ATF7IP: variants seen among roughly 807,000 people sequenced by gnomAD.
The protein encoded by ATF7IP is activating transcription factor 7-interacting protein 1.
In ATF7IP, 23 loss-of-function variants were observed where a neutral mutation model predicts 106.4. The observed-to-expected ratio is 0.22, with a 90% CI of 0.16 to 0.31. ATF7IP has a LOEUF of 0.31. ATF7IP is among the 10% of genes least tolerant of loss of function. The pLI is 1.00. For missense variants in ATF7IP, 1,334 were observed against 1,524.3 expected (o/e 0.88, Z 2.08); for synonymous variants, 542 against 539.0 (o/e 1.01, Z -0.08).
rs1565563306 is a variant in ATF7IP, at chr12:14,498,279, G to T, written c.*206G>T. On this transcript the variant is annotated 3_prime_UTR_variant, in exon 15 of 15. Transcript: ENST00000261168. ...TTTTCCTGGACAGTTTAGGCTTTGG[G>T]GTTTGGAAATGTAAATGTGTACCTT... 2.0e-6 allele frequency: 1 copy of T among 502,412 alleles called. No homozygotes were observed. The highest frequency in any genetic ancestry group is 3.9e-5 in the South Asian group (1 of 25,624). The allele number at this position is 502,412 out of a possible 1,614,324, so 31.1% of individuals were successfully genotyped here.
intron 14 of ATF7IP, among the ~76,000 whole-genome samples, chr12:14,496,709 A>G (rs979434592): frequency 6.6e-6 from 1 of 152,200 alleles, no homozygotes; most frequent in Non-Finnish European, 1.5e-5. Flanking sequence ...TAACTGCTAC[A>G]TTGTCATCAA....
intron 13 of ATF7IP, among the ~76,000 whole-genome samples, chr12:14,495,543 C>G (rs1280319760): frequency 1.3e-5 from 2 of 152,120 alleles, no homozygotes; most frequent in East Asian, 3.8e-4. Context: ...CAGCATGGGC[C>G]AGGTACTGAA....
intron 1 of ATF7IP, among the ~76,000 whole-genome samples, chr12:14,409,590 A>G (rs1269050606): frequency 6.6e-6 from 1 of 152,092 alleles, no homozygotes; most frequent in Non-Finnish European, 1.5e-5. Flanking sequence ...TGAGTATTTT[A>G]TGCCCATTAC....
intron 1 of ATF7IP, among the ~76,000 whole-genome samples, chr12:14,398,599 A>G (rs1216326791): frequency 1.3e-5 from 2 of 151,086 alleles, no homozygotes; most frequent in African/African-American, 4.9e-5. Context: ...ATACAGTTCT[A>G]TTTATTTTTG....
chr12:14,435,363 T>C (rs1942357295), intron 3 of ATF7IP, among the ~76,000 whole-genome samples: 1 of 152,164 alleles, frequency 6.6e-6, no homozygotes, highest in Non-Finnish European at 1.5e-5. Flanking sequence ...CAAGTAGGCA[T>C]ATAGATACAG....
chr12:14,443,951 C>T (rs1193065962), intron 5 of ATF7IP, among the ~76,000 whole-genome samples: 1 of 151,878 alleles, frequency 6.6e-6, no homozygotes, highest in African/African-American at 2.4e-5. Flanking sequence ...TAAGAATAAA[C>T]CAAAAAATAA....
Position 14,470,427 on chromosome 12 carries a change from A to C in ATF7IP, c.2862+3837A>C, listed in dbSNP as rs1943994775. 3.9e-5 allele frequency among the ~76,000 whole-genome samples: 6 copies of C among 152,180 alleles called. No individual in the cohort carries two copies. In the South Asian group the frequency reaches 1.2e-3, roughly 31 times the overall value. On this transcript the variant is annotated intron_variant, in intron 10 of 14. Transcript: ENST00000261168. The stretch of plus-strand genomic sequence containing the variant: ...AAACTGAAGGTTTCAGTTTGTAAAA[A>C]CATAAACGTGTTTCTGATTAGATTT...
At chr12:14,495,168 A>G (rs1944974977) in intron 13 of ATF7IP, among the ~76,000 whole-genome samples, 1 of 152,124 alleles carries the variant, frequency 6.6e-6, no homozygotes, top group Admixed American at 6.6e-5. Context: ...TGCCCACCAG[A>G]TGAAGGGTGG....
At chr12:14,410,175 C>T (rs528374156) in intron 1 of ATF7IP, among the ~76,000 whole-genome samples, 88 of 152,178 alleles carry the variant, frequency 5.8e-4, no homozygotes, top group African/African-American at 1.9e-3. Context: ...ATACATTAGT[C>T]CCCCCTTCTC....
chr12:14,430,536 C>T (rs557292430), intron 2 of ATF7IP, among the ~76,000 whole-genome samples: 1 of 152,160 alleles, frequency 6.6e-6, no homozygotes, highest in Non-Finnish European at 1.5e-5. Context: ...AGTCACATTA[C>T]CAGTCATGCC....
At chr12:14,446,439 T>G (rs970561123) in intron 5 of ATF7IP, among the ~76,000 whole-genome samples, 2 of 152,214 alleles carry the variant, frequency 1.3e-5, no homozygotes, top group Non-Finnish European at 2.9e-5. Context: ...TGAGCCACCA[T>G]GCCTAGCCAA....
At chr12:14,380,337 A>T (rs780009723) in intron 1 of ATF7IP, among the ~76,000 whole-genome samples, 1 of 152,096 alleles carries the variant, frequency 6.6e-6, no homozygotes, top group African/African-American at 2.4e-5. Context: ...AGGTAACTGC[A>T]TAATGTGATG....
chr12:14,442,098 C>T (rs1482390725), intron 5 of ATF7IP, among the ~76,000 whole-genome samples: 1 of 152,078 alleles, frequency 6.6e-6, no homozygotes, highest in African/African-American at 2.4e-5. Context: ...TCTACTTTCT[C>T]CATTACTGCC....
chr12:14,406,665 GT>G lies in ATF7IP; in HGVS notation c.-7-17227del, dbSNP rs370770745. 6.0e-3 allele frequency among the ~76,000 whole-genome samples: 790 copies of G among 132,350 alleles called. 2 individuals are homozygous for G. The highest frequency in any genetic ancestry group is 0.017 in the African/African-American group (603 of 36,184). 86.8% of individuals were successfully genotyped at this position (132,350 alleles called of 152,430 possible). A position where few individuals can be genotyped will look rare whatever the true frequency, so the allele number is the denominator to read the frequency against. ...GTGTTTAAAATAACAGTATTTATGG[GT>G]TTTTTTTTTTTTTTTTGAGATGGAG... On this transcript the variant is annotated intron_variant, in intron 1 of 14. Coordinates refer to ENST00000261168, the MANE Select transcript of ATF7IP (RefSeq NM_018179.5).
At chr12:14,379,767 C>T (rs74067869) in intron 1 of ATF7IP, among the ~76,000 whole-genome samples, 2,992 of 152,278 alleles carry the variant, frequency 0.02, 100 homozygotes, top group African/African-American at 0.069. Flanking sequence ...CTACTATTAT[C>T]ACCACTGAGA....
intron 8 of ATF7IP, among the ~76,000 whole-genome samples, chr12:14,460,115 G>A (rs185815950): frequency 6.6e-6 from 1 of 152,026 alleles, no homozygotes; most frequent in East Asian, 1.9e-4. Flanking sequence ...GTGTTGTAAG[G>A]CATTTATAAT....
chr12:14,448,358 T>G (rs1213641688), intron 6 of ATF7IP, among the ~76,000 whole-genome samples: 3 of 152,198 alleles, frequency 2.0e-5, no homozygotes, highest in Admixed American at 6.5e-5. Flanking sequence ...CTTAACAGTT[T>G]CTACCAGTTT....
At chr12:14,415,108 C>T (rs1379416915) in intron 1 of ATF7IP, among the ~76,000 whole-genome samples, 1 of 152,074 alleles carries the variant, frequency 6.6e-6, no homozygotes, top group Non-Finnish European at 1.5e-5. Context: ...GAGATAAATA[C>T]AAGACCTTCT....
chr12:14,442,046 C>G (rs546078806), intron 5 of ATF7IP, among the ~76,000 whole-genome samples: 3 of 152,244 alleles, frequency 2.0e-5, no homozygotes, highest in Non-Finnish European at 4.4e-5. Flanking sequence ...GGAAAAACTT[C>G]TGCAATTTTA....
Sources: allele counts gnomAD v4.1 joint callset (sites outside exome capture counted in the v4.1 genomes callset), GRCh38; gene constraint gnomAD v4.1.1; transcripts MANE v1.5; gene names NCBI Gene and HGNC (gene_info 2026-07-23, HGNC 2026-07-21).